Variants in ABCA13 observed in about 807,000 individuals in gnomAD.
ABCA13 encodes the protein ATP binding cassette subfamily A member 13.
Under a neutral mutation model 478.7 loss-of-function variants are expected in ABCA13, and 476 were observed. That is an observed-to-expected ratio of 0.99 (90% CI 0.92 to 1.07). The LOEUF (loss-of-function observed/expected upper bound fraction) is 1.07, where lower values mean the gene tolerates loss of function less well. Ranked by LOEUF, ABCA13 falls within the 50% of genes least tolerant of loss-of-function variation. The pLI is 0.00. For missense variants in ABCA13, 6,060 were observed against 5,910.6 expected (o/e 1.03, Z -0.83); for synonymous variants, 2,252 against 2,158.9 (o/e 1.04, Z -1.20).
chr7:48,455,967 C>G (rs966095042), intron 43 of ABCA13, among the ~76,000 whole-genome samples: 1 of 151,926 alleles, frequency 6.6e-6, no homozygotes, highest in African/African-American at 2.4e-5. Context: ...GCGGGCTCCT[C>G]TCTAGATTCA....
chr7:48,516,072 G>A (rs1585670071), intron 51 of ABCA13, among the ~76,000 whole-genome samples: 1 of 152,056 alleles, frequency 6.6e-6, no homozygotes, highest in Non-Finnish European at 1.5e-5. Context: ...GAAAAATACC[G>A]TGGAATGTAT....
At chr7:48,305,837 T>C (rs555430034) in intron 23 of ABCA13, among the ~76,000 whole-genome samples, 3 of 152,368 alleles carry the variant, frequency 2.0e-5, no homozygotes, top group African/African-American at 7.2e-5. Context: ...GGCATCGCCC[T>C]GGATCCTAAG....
Position 48,246,117 on chromosome 7 carries a change from G to A in ABCA13, c.1659+87G>A, listed in dbSNP as rs555209742. 53 of 1,414,724 alleles carry A rather than the reference G, an allele frequency of 3.7e-5. No individual in the cohort carries two copies. In the African/African-American group the frequency reaches 5.1e-4, roughly 14 times the overall value. The allele number at this position is 1,414,724 out of a possible 1,614,324, so 87.6% of individuals were successfully genotyped here. Reference sequence around the variant, plus strand: ...ATGCTAATATTTAACCTGGAGTTTCGATGAGGAAAGTTTTGCCGTAAGCCC... The same window carrying A: ...ATGCTAATATTTAACCTGGAGTTTCAATGAGGAAAGTTTTGCCGTAAGCCC... On this transcript the variant is annotated intron_variant, in intron 13 of 61. Coordinates refer to ENST00000435803, the MANE Select transcript of ABCA13 (RefSeq NM_152701.5).
At chr7:48,333,637 G>A (rs981373206) in intron 27 of ABCA13, among the ~76,000 whole-genome samples, 1 of 152,178 alleles carries the variant, frequency 6.6e-6, no homozygotes, top group African/African-American at 2.4e-5. Context: ...CCCACTTTGT[G>A]TGCTGTGGTT....
chr7:48,398,772 CATT>C (rs759137025), intron 38 of ABCA13, among the ~76,000 whole-genome samples: 2 of 152,094 alleles, frequency 1.3e-5, no homozygotes, highest in Non-Finnish European at 2.9e-5. Flanking sequence ...GTAATGAGAT[CATT>C]GAGGGCATAA....
At chr7:48,179,714 CA>C (rs781442082) in intron 1 of ABCA13, among the ~76,000 whole-genome samples, 1 of 152,168 alleles carries the variant, frequency 6.6e-6, no homozygotes, top group African/African-American at 2.4e-5. Context: ...AGTGTCAGCT[CA>C]CAGGGCCTGC....
intron 3 of ABCA13, among the ~76,000 whole-genome samples, chr7:48,212,681 C>T (rs1032538958): frequency 9.9e-5 from 15 of 152,078 alleles, no homozygotes; most frequent in Non-Finnish European, 1.2e-4. Flanking sequence ...TTTTCTTGAT[C>T]AGGAATGATG....
chr7:48,323,911 C>G (rs1803908191), intron 27 of ABCA13, among the ~76,000 whole-genome samples: 1 of 152,158 alleles, frequency 6.6e-6, no homozygotes, highest in Admixed American at 6.5e-5. Flanking sequence ...TGGGAGTTCC[C>G]CTGCACAAGC....
At chr7:48,389,422 A>G (rs1815703212) in intron 37 of ABCA13, among the ~76,000 whole-genome samples, 1 of 152,208 alleles carries the variant, frequency 6.6e-6, no homozygotes, top group Non-Finnish European at 1.5e-5. Flanking sequence ...GCACAGGTGC[A>G]CTGTAGGCCT....
intron 35 of ABCA13, among the ~76,000 whole-genome samples, chr7:48,383,807 G>A (rs1814762297): frequency 6.6e-6 from 1 of 151,952 alleles, no homozygotes; most frequent in South Asian, 2.1e-4. Flanking sequence ...CACCTAGTTG[G>A]GTTCACACTG....
chr7:48,360,318 T>C (rs1360779894), intron 31 of ABCA13, among the ~76,000 whole-genome samples: 1 of 151,834 alleles, frequency 6.6e-6, no homozygotes. Context: ...GATAGTTTGC[T>C]CAGAATGATG....
intron 55 of ABCA13, among the ~76,000 whole-genome samples, chr7:48,550,265 CTTT>C (rs57540403): frequency 6.7e-6 from 1 of 148,330 alleles, no homozygotes; most frequent in East Asian, 2.0e-4. Flanking sequence ...CTCTATTTTT[CTTT>C]TTTTTGGAAA....
intron 56 of ABCA13, among the ~76,000 whole-genome samples, chr7:48,580,891 A>G (rs1423742236): frequency 2.0e-5 from 3 of 151,794 alleles, no homozygotes; most frequent in African/African-American, 7.3e-5. Context: ...GGAATGAAGG[A>G]GTGGCAGAAA....
chr7:48,506,254 G>A (rs1183709418), intron 48 of ABCA13, 82 bp from the exon 49 acceptor site: 2 of 1,440,430 alleles, frequency 1.4e-6, no homozygotes, highest in Non-Finnish European at 1.9e-6. Context: ...ATGGCACAGG[G>A]AATCTGCGTA....
At chr7:48,407,066 T>C (rs917020403) in intron 39 of ABCA13, among the ~76,000 whole-genome samples, 1 of 152,268 alleles carries the variant, frequency 6.6e-6, no homozygotes, top group African/African-American at 2.4e-5. Flanking sequence ...TAAAGTATAA[T>C]TGACAAATGA....
At chr7:48,342,670 A>T (rs773022871) in intron 29 of ABCA13, among the ~76,000 whole-genome samples, 37 of 152,228 alleles carry the variant, frequency 2.4e-4, no homozygotes, top group Non-Finnish European at 4.7e-4. Context: ...GCTTCTGATC[A>T]CTTCTCTCTC....
intron 39 of ABCA13, among the ~76,000 whole-genome samples, chr7:48,406,907 A>G (rs1818337951): frequency 6.6e-6 from 1 of 151,628 alleles, no homozygotes; most frequent in Non-Finnish European, 1.5e-5. Flanking sequence ...AAAATAAAAT[A>G]TATGTATATA....
chr7:48,391,935 G>GAC lies in ABCA13; in HGVS notation c.11669_11670insAC (p.Leu3891ArgfsTer53). 1.9e-6 allele frequency: 3 copies of GAC among 1,613,754 alleles called. No homozygotes were observed. Among genetic ancestry groups the GAC allele is most frequent in the Non-Finnish European group, 2.5e-6 (3 of 1,179,834 alleles). On this transcript the variant is annotated frameshift_variant, in exon 38 of 62. Transcript: ENST00000435803. LOFTEE classifies it high-confidence loss of function. ...TTCTCTGGCAGATCCATGTTGACGGGGCTCCACCCTCCCACTTCTGGAACC... is the reference window on the plus strand; with the variant it reads ...TTCTCTGGCAGATCCATGTTGACGGGACGCTCCACCCTCCCACTTCTGGAACC...
chr7:48,641,790 T>G (rs1795120453), intron 59 of ABCA13, among the ~76,000 whole-genome samples: 1 of 152,128 alleles, frequency 6.6e-6, no homozygotes, highest in Non-Finnish European at 1.5e-5. Flanking sequence ...GGAAGCCCCT[T>G]CAACCACCTA....
Sources: allele counts gnomAD v4.1 joint callset (sites outside exome capture counted in the v4.1 genomes callset), GRCh38; gene constraint gnomAD v4.1.1; transcripts MANE v1.5; gene names NCBI Gene and HGNC (gene_info 2026-07-23, HGNC 2026-07-21).